LRTM1: variants seen among roughly 807,000 people sequenced by gnomAD.
LRTM1 encodes the protein leucine rich repeat transmembrane protein 1.
In LRTM1, 38 loss-of-function variants were observed where a neutral mutation model predicts 32.4. That is an observed-to-expected ratio of 1.17 (90% CI 0.91 to 1.54). LRTM1 has a LOEUF of 1.54. Ranked by LOEUF, LRTM1 falls within the 40% of genes most tolerant of loss-of-function variation. LRTM1 has a pLI of 0.00. For synonymous variants in LRTM1, 186 were observed against 169.9 expected (o/e 1.09, Z -0.74); for missense variants, 466 against 415.4 (o/e 1.12, Z -1.06).
upstream of LRTM1, among the ~76,000 whole-genome samples, chr3:54,931,479 G>A (rs144305946): frequency 3.2e-4 from 49 of 152,262 alleles, no homozygotes; most frequent in East Asian, 9.3e-3. Context: ...GTGGTGAGCA[G>A]ATCCAAGAGG....
intron 1 of LRTM1, among the ~76,000 whole-genome samples, chr3:54,963,514 AT>A (rs1201744150): frequency 6.6e-6 from 1 of 152,222 alleles, no homozygotes; most frequent in Non-Finnish European, 1.5e-5. Flanking sequence ...ATATTATTTA[AT>A]TTTAGTTAAT....
intron 2 of LRTM1, among the ~76,000 whole-genome samples, chr3:54,920,215 C>G (rs1212211600): frequency 6.6e-6 from 1 of 152,216 alleles, no homozygotes; most frequent in South Asian, 2.1e-4. Flanking sequence ...CATGGCACTT[C>G]AGAGTTTTAG....
At position 54,924,684 on chromosome 3, in the gene LRTM1, T is replaced by A; in HGVS notation, c.539A>T (p.Asn180Ile). ...PSVRLLLLKD[N>I]LWKCNCHLLG... ...CAAGTGGCAATTGCATTTCCAGAGG[T>A]TGTCCTTGAGAAGTAAAAGCCTCAC... Residue 180 changes from asparagine to isoleucine, a missense_variant, in exon 2 of 3, where the codon AAC becomes ATC. Asn to Ile is a moderately radical substitution (Grantham distance 149). Coordinates refer to ENST00000273286, the MANE Select transcript of LRTM1 (RefSeq NM_020678.4). The A allele has an allele frequency of 6.2e-7, 1 of 1,614,062 alleles. No homozygotes were observed. The highest frequency in any genetic ancestry group is 8.5e-7 in the Non-Finnish European group (1 of 1,180,004).
chr3:54,945,100 G>T (rs974410005), intron 1 of LRTM1, among the ~76,000 whole-genome samples: 1 of 152,174 alleles, frequency 6.6e-6, no homozygotes, highest in Non-Finnish European at 1.5e-5. Context: ...CAGCATCTGA[G>T]AGCTGGGCAG....
chr3:54,937,639 A>G (rs1379333294), intron 1 of LRTM1, among the ~76,000 whole-genome samples: 1 of 152,210 alleles, frequency 6.6e-6, no homozygotes. Flanking sequence ...CTGGCAATTC[A>G]GCCTGAGAGG....
chr3:54,950,663 A>G (rs752585295), intron 1 of LRTM1, among the ~76,000 whole-genome samples: 1 of 152,152 alleles, frequency 6.6e-6, no homozygotes, highest in Non-Finnish European at 1.5e-5. Flanking sequence ...AGTTTTCCTT[A>G]TCTAGGACCC....
intron 1 of LRTM1, among the ~76,000 whole-genome samples, chr3:54,964,455 G>A (rs1702098495): frequency 6.6e-6 from 1 of 151,942 alleles, no homozygotes; most frequent in East Asian, 1.9e-4. Context: ...TTTCACAAAA[G>A]CATTTGCTGT....
chr3:54,963,182 T>C (rs550171627), intron 1 of LRTM1, among the ~76,000 whole-genome samples: 1 of 152,284 alleles, frequency 6.6e-6, no homozygotes, highest in South Asian at 2.1e-4. Flanking sequence ...ATTTCCAACT[T>C]CCCCTTGCAA....
chr3:54,921,053 G>A (rs1474377613), intron 2 of LRTM1, among the ~76,000 whole-genome samples: 5 of 152,114 alleles, frequency 3.3e-5, no homozygotes, highest in Admixed American at 6.5e-5. Flanking sequence ...CCATTTCATG[G>A]GCCATGACCC....
At position 54,924,602 on chromosome 3, in the gene LRTM1, A is replaced by G. The variant is rs1460691932; in HGVS notation, c.604+17T>C. ...TGGTAACACACAGATGGGGGGTTCC[A>G]AATAGACATGACTGACCTTTATAGA... On this transcript the variant is annotated intron_variant, in intron 2 of 2. Transcript: ENST00000273286. 1.9e-6 allele frequency: 3 copies of G among 1,593,826 alleles called. No homozygotes were observed. The highest frequency in any genetic ancestry group is 2.2e-5 in the East Asian group (1 of 44,724).
intron 1 of LRTM1, among the ~76,000 whole-genome samples, chr3:54,947,514 A>C (rs956364131): frequency 4.4e-4 from 67 of 152,228 alleles, no homozygotes; most frequent in African/African-American, 1.5e-3. Flanking sequence ...AGGAGAACCT[A>C]TACTGTTGAG....
chr3:54,955,881 T>C (rs962554867), intron 1 of LRTM1, among the ~76,000 whole-genome samples: 7 of 152,068 alleles, frequency 4.6e-5, no homozygotes, highest in African/African-American at 1.7e-4. Context: ...CAAGGAGCAG[T>C]GGCTTAACAA....
chr3:54,945,751 A>G (rs189134498), intron 1 of LRTM1, among the ~76,000 whole-genome samples: 1 of 152,202 alleles, frequency 6.6e-6, no homozygotes, highest in African/African-American at 2.4e-5. Context: ...GCTTTTTTCA[A>G]GATTATAGGT....
At chr3:54,939,653 T>C (rs1701413617) in intron 1 of LRTM1, among the ~76,000 whole-genome samples, 1 of 152,222 alleles carries the variant, frequency 6.6e-6, no homozygotes, top group South Asian at 2.1e-4. Context: ...AGAACGGAGC[T>C]ATCAGTCAGA....
intron 1 of LRTM1, among the ~76,000 whole-genome samples, chr3:54,956,228 G>A (rs1701889213): frequency 6.6e-6 from 1 of 152,206 alleles, no homozygotes; most frequent in Non-Finnish European, 1.5e-5. Context: ...CCAGTGGCTT[G>A]CCTTGCCAGG....
At chr3:54,934,865 G>C (rs2106965969) in intron 1 of LRTM1, among the ~76,000 whole-genome samples, 1 of 152,206 alleles carries the variant, frequency 6.6e-6, no homozygotes, top group South Asian at 2.1e-4. Flanking sequence ...CCGAGTAGCT[G>C]GGATTACAGG....
chr3:54,918,356 G>GGAAAA lies in LRTM1; in HGVS notation c.*102_*103insTTTTC. ...TCTTTTTTTTTTTTTTTTTTTTTTTGTCTTTTGGCAAAAGCAAAATCAGAC... is the reference window on the plus strand; with the variant it reads ...TCTTTTTTTTTTTTTTTTTTTTTTTGGAAAATCTTTTGGCAAAAGCAAAATCAGAC... On this transcript the variant is annotated 3_prime_UTR_variant, in exon 3 of 3. Transcript: ENST00000273286. 6.2e-6 allele frequency: 1 copy of GGAAAA among 161,676 alleles called. No individual in the cohort carries two copies. The highest frequency in any genetic ancestry group is 1.1e-5 in the Non-Finnish European group (1 of 90,630). The allele number at this position is 161,676 out of a possible 1,614,324, so 10.0% of individuals were successfully genotyped here.
chr3:54,948,080 A>G (rs1234135036), intron 1 of LRTM1, among the ~76,000 whole-genome samples: 2 of 152,232 alleles, frequency 1.3e-5, no homozygotes, highest in Non-Finnish European at 2.9e-5. Flanking sequence ...GGTGATGTCC[A>G]GGTGAATATC....
chr3:54,929,188 C>T (rs974798867), upstream of LRTM1, among the ~76,000 whole-genome samples: 1 of 152,170 alleles, frequency 6.6e-6, no homozygotes, highest in Non-Finnish European at 1.5e-5. Context: ...CTTACCCACC[C>T]AGAGCCCCAT....
Sources: allele counts gnomAD v4.1 joint callset (sites outside exome capture counted in the v4.1 genomes callset), GRCh38; gene constraint gnomAD v4.1.1; transcripts MANE v1.5; gene names NCBI Gene and HGNC (gene_info 2026-07-23, HGNC 2026-07-21).